Variants in IL7 observed in about 807,000 individuals in gnomAD.
IL7 encodes the protein interleukin-7.
A neutral mutation model predicts 21.6 loss-of-function variants in IL7; 3 were observed. The observed-to-expected ratio is 0.14, with a 90% CI of 0.06 to 0.36. The LOEUF is 0.36. Among genes scored for constraint, IL7 ranks in the 10% least tolerant of loss-of-function variants. IL7 has a pLI of 1.00. For synonymous variants in IL7, 62 were observed against 68.1 expected (o/e 0.91, Z 0.44); for missense variants, 175 against 200.2 (o/e 0.87, Z 0.76).
At chr8:78,738,733 GT>G in intron 3 of IL7, 98 bp from the exon 4 acceptor site, 1 of 1,056,326 alleles carries the variant, frequency 9.5e-7, no homozygotes, top group Non-Finnish European at 1.3e-6. Flanking sequence ...ATGTTGCTAG[GT>G]AATGCCCCGC....
chr8:78,717,994 G>A (rs1811159411), exon 7 of IL7: 1 of 152,044 alleles, frequency 6.6e-6, no homozygotes, highest in African/African-American at 2.4e-5. Flanking sequence ...GGTATGTTAA[G>A]GTCACTCCTG....
chr8:78,784,461 A>G (rs1199758575), intron 2 of IL7, among the ~76,000 whole-genome samples: 2 of 152,226 alleles, frequency 1.3e-5, no homozygotes, highest in Non-Finnish European at 2.9e-5. Flanking sequence ...ATGTATATCA[A>G]CATCTTTACA....
chr8:78,729,589 C>T (rs375373540), downstream of IL7, among the ~76,000 whole-genome samples: 375 of 152,026 alleles, frequency 2.5e-3, 3 homozygotes, highest in Admixed American at 6.5e-3. Flanking sequence ...CTTTCTTCAG[C>T]TCTGGGGATG....
chr8:78,678,373 C>A (rs1017770631), intron 4 of IL7, among the ~76,000 whole-genome samples: 3 of 151,968 alleles, frequency 2.0e-5, no homozygotes, highest in African/African-American at 4.8e-5. Context: ...TAACTTAGAG[C>A]GTGCATTATA....
intron 2 of IL7, among the ~76,000 whole-genome samples, chr8:78,777,066 A>G (rs1813158065): frequency 6.6e-6 from 1 of 152,034 alleles, no homozygotes; most frequent in Admixed American, 6.6e-5. Context: ...GAGAAAAACA[A>G]CTGAAGCACA....
chr8:78,752,369 TG>T (rs1435107132), intron 2 of IL7, among the ~76,000 whole-genome samples: 7 of 152,212 alleles, frequency 4.6e-5, no homozygotes, highest in African/African-American at 1.7e-4. Flanking sequence ...CAATAATGGC[TG>T]TACTAATTCA....
rs188296167 is a variant in IL7, at chr8:78,798,269, G to A, written c.11-61C>T. 6 of 1,205,716 alleles carry A rather than the reference G, an allele frequency of 5.0e-6. No homozygotes were observed. The South Asian group carries it at 7.8e-5, about 16-fold the overall frequency. 74.7% of individuals were successfully genotyped at this position (1,205,716 alleles called of 1,614,324 possible). A position where few individuals can be genotyped will look rare whatever the true frequency, so the allele number is the denominator to read the frequency against. On this transcript the variant is annotated intron_variant, in intron 1 of 5. Coordinates refer to ENST00000263851, the MANE Select transcript of IL7 (RefSeq NM_000880.4). The stretch of plus-strand genomic sequence containing the variant: ...TATATCGTATTGCATTTGATTGTGG[G>A]GTTTCAATGGACTGGACCACTAATT...
At chr8:78,802,195 A>G (rs1277668260) in intron 1 of IL7, among the ~76,000 whole-genome samples, 3 of 152,168 alleles carry the variant, frequency 2.0e-5, no homozygotes, top group Admixed American at 6.5e-5. Context: ...TGCTTAAGTT[A>G]TGGGGGTCAA....
At chr8:78,745,773 A>G (rs533305508) in intron 2 of IL7, among the ~76,000 whole-genome samples, 7 of 152,318 alleles carry the variant, frequency 4.6e-5, no homozygotes, top group Admixed American at 6.5e-5. Context: ...AATTACCAAA[A>G]ATTTGGAGGC....
intron 3 of IL7, among the ~76,000 whole-genome samples, chr8:78,688,953 C>CTAAA (rs1256199972): frequency 6.6e-6 from 1 of 151,200 alleles, no homozygotes; most frequent in African/African-American, 2.4e-5. Flanking sequence ...CTCTTTTGTA[C>CTAAA]TAAGGATTTA....
At chr8:78,693,464 G>A (rs1810286540) in intron 3 of IL7, among the ~76,000 whole-genome samples, 1 of 152,146 alleles carries the variant, frequency 6.6e-6, no homozygotes, top group East Asian at 1.9e-4. Flanking sequence ...GTTTTGATTT[G>A]CATTTCTCTG....
At chr8:78,793,779 G>A (rs1813770481) in intron 2 of IL7, among the ~76,000 whole-genome samples, 1 of 152,096 alleles carries the variant, frequency 6.6e-6, no homozygotes, top group Non-Finnish European at 1.5e-5. Flanking sequence ...ATCCACAGTA[G>A]AACTTCTTTT....
At chr8:78,723,146 T>C (rs1002582226) in intron 3 of IL7, among the ~76,000 whole-genome samples, 7 of 149,438 alleles carry the variant, frequency 4.7e-5, no homozygotes, top group African/African-American at 1.7e-4. Flanking sequence ...CAAATCTCTG[T>C]AAAGAGAATG....
At chr8:78,779,491 T>A (rs1215248913) in intron 2 of IL7, among the ~76,000 whole-genome samples, 1 of 152,238 alleles carries the variant, frequency 6.6e-6, no homozygotes, top group African/African-American at 2.4e-5. Flanking sequence ...TCTATTGAGA[T>A]AATCAAGTGG....
At chr8:78,771,352 G>T (rs1012508279) in intron 2 of IL7, among the ~76,000 whole-genome samples, 3 of 152,024 alleles carry the variant, frequency 2.0e-5, no homozygotes, top group African/African-American at 7.2e-5. Context: ...AAAGCAACTT[G>T]CTCAATTAAA....
intron 3 of IL7, among the ~76,000 whole-genome samples, chr8:78,686,126 C>T (rs554331439): frequency 4.8e-4 from 73 of 152,276 alleles, no homozygotes; most frequent in Middle Eastern, 6.8e-3. Context: ...GTCCCCACCT[C>T]GTACTACTGT....
Position 78,802,890 on chromosome 8 carries a change from T to C in IL7, c.10+2023A>G, listed in dbSNP as rs112887922. ...GGGATTGCATAAAAACCCATCTTCC[T>C]GTGCATGAACCTCACTAAGGTACTT... On this transcript the variant is annotated intron_variant, in intron 1 of 5. Transcript: ENST00000263851. 3.5e-3 allele frequency among the ~76,000 whole-genome samples: 529 copies of C among 152,330 alleles called. 3 individuals are homozygous for C. Among genetic ancestry groups the C allele is most frequent in the African/African-American group, 0.012 (496 of 41,578 alleles).
In IL7 at chr8:78,773,437, G is replaced by A. The variant is rs890569517; in HGVS notation, c.147+24635C>T. Among the ~76,000 whole-genome samples, 17 of 152,146 alleles carry A rather than the reference G, an allele frequency of 1.1e-4. No individual in the cohort carries two copies. In the East Asian group the frequency reaches 1.2e-3, roughly 10 times the overall value. ...TCCTGCTGTCTTTAAATTTGGGTGC[G>A]GGAAGATTTGTGGAGCAAGACAGGG... On this transcript the variant is annotated intron_variant, in intron 2 of 5. Coordinates refer to ENST00000263851, the MANE Select transcript of IL7 (RefSeq NM_000880.4).
At chr8:78,782,325 C>G (rs1237529956) in intron 2 of IL7, among the ~76,000 whole-genome samples, 1 of 152,156 alleles carries the variant, frequency 6.6e-6, no homozygotes, top group African/African-American at 2.4e-5. Flanking sequence ...TTTTCATTGA[C>G]TGTTTCTCAT....
Sources: allele counts gnomAD v4.1 joint callset (sites outside exome capture counted in the v4.1 genomes callset), GRCh38; gene constraint gnomAD v4.1.1; transcripts MANE v1.5; gene names NCBI Gene and HGNC (gene_info 2026-07-23, HGNC 2026-07-21).